LCLAT1: variants seen among roughly 807,000 people sequenced by gnomAD.
LCLAT1 encodes 1-AGP acyltransferase 8.
Under a neutral mutation model 30.7 loss-of-function variants are expected in LCLAT1, and 11 were observed. That is an observed-to-expected ratio of 0.36 (90% CI 0.23 to 0.59). The LOEUF is 0.59. LCLAT1 is among the 20% of genes least tolerant of loss of function. The probability of loss-of-function intolerance (pLI) is 0.77; values close to 1 mark genes in which losing one functional copy is unlikely to be tolerated. For synonymous variants in LCLAT1, 155 were observed against 151.3 expected (o/e 1.02, Z -0.18); for missense variants, 402 against 458.6 (o/e 0.88, Z 1.13).
intron 3 of LCLAT1, among the ~76,000 whole-genome samples, chr2:30,536,229 A>G (rs1289032992): frequency 6.6e-6 from 1 of 152,190 alleles, no homozygotes; most frequent in Non-Finnish European, 1.5e-5. Context: ...TACTTAATGA[A>G]ATAATAGCTG....
At chr2:30,475,421 A>T (rs4952130) in intron 1 of LCLAT1, among the ~76,000 whole-genome samples, 19,292 of 152,140 alleles carry the variant, frequency 0.13, 1,353 homozygotes, top group South Asian at 0.23. Context: ...TGCTTTTTTT[A>T]AATAAACATG....
At chr2:30,486,612 G>A (rs954773824) in intron 1 of LCLAT1, among the ~76,000 whole-genome samples, 1 of 152,136 alleles carries the variant, frequency 6.6e-6, no homozygotes, top group African/African-American at 2.4e-5. Context: ...TCCTCTAGTG[G>A]CAGAGACTAC....
At chr2:30,546,667 C>T (rs1295416245) in intron 3 of LCLAT1, among the ~76,000 whole-genome samples, 1 of 152,134 alleles carries the variant, frequency 6.6e-6, no homozygotes, top group East Asian at 1.9e-4. Context: ...ATTTTATTTA[C>T]TATCACATGT....
At chr2:30,523,905 G>A (rs1177048180) in intron 1 of LCLAT1, among the ~76,000 whole-genome samples, 2 of 152,146 alleles carry the variant, frequency 1.3e-5, no homozygotes, top group Admixed American at 1.3e-4. Context: ...AGTCAGTCTT[G>A]ATTGTGTGTT....
At chr2:30,584,813 T>A (rs1437771486) in intron 5 of LCLAT1, among the ~76,000 whole-genome samples, 3 of 152,196 alleles carry the variant, frequency 2.0e-5, no homozygotes, top group Admixed American at 1.3e-4. Context: ...TTCAGTGATG[T>A]CTCAAGCACA....
At chr2:30,598,731 T>TTAGTTGTGATG (rs1446009835) in intron 5 of LCLAT1, among the ~76,000 whole-genome samples, 3 of 152,160 alleles carry the variant, frequency 2.0e-5, no homozygotes, top group Non-Finnish European at 2.9e-5. Context: ...TCTAGTTCTT[T>TTAGTTGTGATG]TAGTTGTGAT....
At chr2:30,486,750 T>C (rs1683577221) in intron 1 of LCLAT1, among the ~76,000 whole-genome samples, 1 of 152,142 alleles carries the variant, frequency 6.6e-6, no homozygotes, top group South Asian at 2.1e-4. Flanking sequence ...CTTACCTTTC[T>C]TGCTGGTTGG....
At chr2:30,496,764 G>A (rs1383477751) in intron 1 of LCLAT1, among the ~76,000 whole-genome samples, 1 of 152,094 alleles carries the variant, frequency 6.6e-6, no homozygotes, top group East Asian at 1.9e-4. Flanking sequence ...TCTCATTTCA[G>A]TTCCTTGAAC....
intron 1 of LCLAT1, among the ~76,000 whole-genome samples, chr2:30,493,636 G>A (rs1439706322): frequency 6.6e-6 from 1 of 152,136 alleles, no homozygotes; most frequent in Non-Finnish European, 1.5e-5. Flanking sequence ...GAACAGCTCT[G>A]TCACTCTAGA....
At chr2:30,513,518 A>G (rs1429371754) in intron 1 of LCLAT1, among the ~76,000 whole-genome samples, 2 of 152,204 alleles carry the variant, frequency 1.3e-5, no homozygotes, top group East Asian at 3.8e-4. Context: ...TGCTTAAACA[A>G]TATGCTTAAT....
chr2:30,635,719 A>T (rs950384143), intron 5 of LCLAT1, among the ~76,000 whole-genome samples: 3 of 152,206 alleles, frequency 2.0e-5, no homozygotes, highest in African/African-American at 4.8e-5. Flanking sequence ...AGTCATAGAA[A>T]TTGTAGTAGA....
intron 1 of LCLAT1, chr2:30,476,264 A>G (rs1284481534): frequency 2.3e-5 from 9 of 394,442 alleles, no homozygotes; most frequent in Admixed American, 2.0e-4. Flanking sequence ...ATTTGTGTAG[A>G]TATTGGGACC....
At chr2:30,540,450 T>C (rs1401899382) in intron 3 of LCLAT1, among the ~76,000 whole-genome samples, 2 of 152,182 alleles carry the variant, frequency 1.3e-5, no homozygotes, top group Non-Finnish European at 2.9e-5. Context: ...TAAAACTGAA[T>C]TTATCAGTAA....
Position 30,628,539 on chromosome 2 carries a change from G to C in LCLAT1, c.629-11578G>C, listed in dbSNP as rs577045353. Among the ~76,000 whole-genome samples the C allele has an allele frequency of 3.9e-5, 6 of 152,236 alleles. No individual in the cohort carries two copies. The South Asian group carries it at 1.2e-3, about 32-fold the overall frequency. On this transcript the variant is annotated intron_variant, in intron 5 of 5. Transcript: ENST00000379509. ...GCTTTACCAGATATTGAGTCACTAA[G>C]GAAAACAGTGTGATCTTGAAGCAAG...
At chr2:30,508,165 T>A (rs1469970271) in intron 1 of LCLAT1, among the ~76,000 whole-genome samples, 1 of 152,170 alleles carries the variant, frequency 6.6e-6, no homozygotes, top group East Asian at 1.9e-4. Context: ...AAGTTTTTTA[T>A]AGATGCTGGA....
At chr2:30,493,465 A>G (rs1388911120) in intron 1 of LCLAT1, among the ~76,000 whole-genome samples, 5 of 152,246 alleles carry the variant, frequency 3.3e-5, no homozygotes, top group Non-Finnish European at 5.9e-5. Context: ...ATTGAAAGCA[A>G]ATGAAGTCCG....
chr2:30,561,974 A>T (rs897143612), intron 3 of LCLAT1, among the ~76,000 whole-genome samples, 172 bp from the exon 4 acceptor site: 11 of 152,318 alleles, frequency 7.2e-5, no homozygotes, highest in Non-Finnish European at 1.5e-4. Flanking sequence ...ATTCTCTTAT[A>T]TATATGTTAG....
At position 30,528,930 on chromosome 2, in the gene LCLAT1, T is replaced by G. The variant is rs1378549563; in HGVS notation, c.165+3175T>G. ...TTCTAGTTTTGAGATAGTGAACATCTCTGTTGAAGGAAACAGAGAAGAACC... is the reference window on the plus strand; with the variant it reads ...TTCTAGTTTTGAGATAGTGAACATCGCTGTTGAAGGAAACAGAGAAGAACC... On this transcript the variant is annotated intron_variant, in intron 2 of 5. Transcript: ENST00000379509. Among the ~76,000 whole-genome samples, 6 of 152,222 alleles carry G rather than the reference T, an allele frequency of 3.9e-5. No individual in the cohort carries two copies. The East Asian group carries it at 1.2e-3, about 29-fold the overall frequency.
intron 1 of LCLAT1, chr2:30,459,555 G>A (rs960639202): frequency 1.6e-6 from 2 of 1,226,734 alleles, no homozygotes; most frequent in African/African-American, 3.0e-5. Flanking sequence ...TTCACAGGCT[G>A]AAAAACAGAG....
Sources: gnomAD v4.1 joint callset for allele counts (sites outside exome capture counted in the v4.1 genomes callset) on GRCh38, gnomAD v4.1.1 for gene constraint, MANE v1.5 for transcripts, NCBI Gene and HGNC (gene_info 2026-07-23, HGNC 2026-07-21) for gene names.